Variants in WDR33 observed in about 807,000 individuals in gnomAD.
WDR33 encodes the protein WD repeat domain 33.
A neutral mutation model predicts 164.9 loss-of-function variants in WDR33; 47 were observed. That is an observed-to-expected ratio of 0.29 (90% confidence interval 0.23 to 0.36). WDR33 has a LOEUF of 0.36. Among genes scored for constraint, WDR33 ranks in the 10% least tolerant of loss-of-function variants. The pLI is 1.00. For synonymous variants in WDR33, 505 were observed against 589.0 expected (o/e 0.86, Z 2.06); for missense variants, 1,137 against 1,754.1 (o/e 0.65, Z 6.28).
intron 1 of WDR33, among the ~76,000 whole-genome samples, chr2:127,772,157 C>T (rs1688025783): frequency 6.6e-6 from 1 of 150,718 alleles, no homozygotes; most frequent in Non-Finnish European, 1.5e-5. Context: ...AATTTCACAG[C>T]TGGGCGCAGT....
intron 1 of WDR33, among the ~76,000 whole-genome samples, chr2:127,783,781 T>G (rs961561061): frequency 6.6e-6 from 1 of 151,812 alleles, no homozygotes; most frequent in Non-Finnish European, 1.5e-5. Flanking sequence ...ATTTTTTGTA[T>G]TTTTAGTAGA....
rs762913474 is a variant in WDR33, at chr2:127,765,273, A to C, written c.379-4T>G. On this transcript the variant is annotated splice_region_variant and splice_polypyrimidine_tract_variant and intron_variant, in intron 4 of 21. Transcript: ENST00000322313. Reference sequence around the variant, plus strand: ...AGCGTCTTCCTTCTGGAGTCCACTAAGGGAGAAAAAAAGACAGGTTATACA... The same window carrying C: ...AGCGTCTTCCTTCTGGAGTCCACTACGGGAGAAAAAAAGACAGGTTATACA... 1.9e-6 allele frequency: 3 copies of C among 1,612,310 alleles called. No homozygotes were observed. Among genetic ancestry groups the C allele is most frequent in the Non-Finnish European group, 2.5e-6 (3 of 1,179,160 alleles).
chr2:127,737,509 A>C (rs754528634), intron 7 of WDR33: 77 of 985,986 alleles, frequency 7.8e-5, no homozygotes, highest in Non-Finnish European at 9.0e-5. Context: ...GAAAAGTGCA[A>C]AAAGAAAAAG....
At chr2:127,728,414 CTAG>C (rs1686621528) in intron 7 of WDR33, among the ~76,000 whole-genome samples, 1 of 152,090 alleles carries the variant, frequency 6.6e-6, no homozygotes, top group Non-Finnish European at 1.5e-5. Context: ...GCCAAGAAGT[CTAG>C]ACACCGAATT....
Position 127,770,978 on chromosome 2 carries a change from C to G in WDR33, c.4G>C (p.Ala2Pro), listed in dbSNP as rs1352061629. The G allele has an allele frequency of 6.2e-7, 1 of 1,613,348 alleles. No homozygotes were observed. The highest frequency in any genetic ancestry group is 1.7e-5 in the Admixed American group (1 of 59,910). ...CGAGGAGGAGAACCAATTTCTGTAG[C>G]CATGGTGATGTTTTCCTTCTAGGAT... M[A>P]TEIGSPPRFF... Residue 2 changes from alanine (A) to proline (P), a missense_variant, in exon 2 of 22, where the codon GCT becomes CCT. Physicochemically the swap from Ala to Pro is conservative, Grantham distance 27. Around this residue, in one of 9 missense-constraint regions of WDR33, gnomAD observed 24 missense variants for 46.7 expected, o/e 0.51. Transcript: ENST00000322313. This position sits in a 1 kb window ranked among gnomAD's most constrained non-coding sequence, Gnocchi z 4.9.
At chr2:127,791,868 A>G (rs1688854913) in intron 1 of WDR33, among the ~76,000 whole-genome samples, 1 of 152,156 alleles carries the variant, frequency 6.6e-6, no homozygotes, top group Admixed American at 6.5e-5. Flanking sequence ...AGGAGCTAGT[A>G]GTTTTATCCA....
chr2:127,808,196 A>G (rs930783337), intron 1 of WDR33, among the ~76,000 whole-genome samples: 4 of 152,354 alleles, frequency 2.6e-5, no homozygotes, highest in Admixed American at 2.6e-4. Context: ...AAATGTTAAC[A>G]TTTAAAGAAT....
At position 127,798,086 on chromosome 2, in the gene WDR33, A is replaced by C. The variant is rs529639340; in HGVS notation, c.-24+12926T>G. 2.0e-5 allele frequency among the ~76,000 whole-genome samples: 3 copies of C among 152,226 alleles called. No individual in the cohort carries two copies. In the South Asian group the frequency reaches 6.2e-4, roughly 32 times the overall value. On this transcript the variant is annotated intron_variant, in intron 1 of 21. Transcript: ENST00000322313. ...AAACCTTGCTTAACAAATGAATTTA[A>C]GCCGGGCGTGGTGGCTCATGTCTGT...
At position 127,713,558 on chromosome 2, in the gene WDR33, T is replaced by C. The variant is rs776371557; in HGVS notation, c.3308+25A>G. 7.4e-6 allele frequency: 12 copies of C among 1,610,944 alleles called. No individual in the cohort carries two copies. The East Asian group carries it at 2.2e-4, about 30-fold the overall frequency. On this transcript the variant is annotated intron_variant, in intron 18 of 21. Transcript: ENST00000322313. This position sits in a 1 kb window ranked among gnomAD's most constrained non-coding sequence, Gnocchi z 6.2. ...ATAAAAAGCTCCACTGAAGATGGAA[T>C]GGGCCCACAAAGTATCTGTCCCACC...
rs774930775 is a variant in WDR33 at position 127,724,462 on chromosome 2, G to A, written c.1086-19C>T. The A allele has an allele frequency of 6.2e-7, 1 of 1,606,380 alleles. No individual in the cohort carries two copies. Among genetic ancestry groups the A allele is most frequent in the Non-Finnish European group, 8.5e-7 (1 of 1,174,298 alleles). On this transcript the variant is annotated intron_variant, in intron 10 of 21. Coordinates refer to ENST00000322313, the MANE Select transcript of WDR33 (RefSeq NM_018383.5). This position sits in a 1 kb window ranked among gnomAD's most constrained non-coding sequence, Gnocchi z 4.8. Reference sequence around the variant, plus strand: ...CTCTACCCTGCAACAGCACCAAAGAGAGAAGATTTGTTCACAAAAGTTACC... The same window carrying A: ...CTCTACCCTGCAACAGCACCAAAGAAAGAAGATTTGTTCACAAAAGTTACC...
At position 127,702,248 on chromosome 2, in the gene WDR33, G is replaced by T; in HGVS notation, c.*4075C>A. Reference sequence around the variant, plus strand: ...TCGGAGACCGCGCCGGCCGAGCTGAGGACTGCACGCCGCTGTGCGGAAGCC... The same window carrying T: ...TCGGAGACCGCGCCGGCCGAGCTGATGACTGCACGCCGCTGTGCGGAAGCC... On this transcript the variant is annotated 3_prime_UTR_variant, in exon 22 of 22. Transcript: ENST00000322313. 8.6e-7 allele frequency: 1 copy of T among 1,168,262 alleles called. No individual in the cohort carries two copies. 72.4% of individuals were successfully genotyped at this position (1,168,262 alleles called of 1,614,324 possible).
chr2:127,726,918 T>C lies in WDR33; in HGVS notation c.725-141A>G. Reference sequence around the variant, plus strand: ...CTTGTTTTGTGAAGACTCTTTGGCCTCTGTGTGTCTGGAAATTTTTCAGAT... The same window carrying C: ...CTTGTTTTGTGAAGACTCTTTGGCCCCTGTGTGTCTGGAAATTTTTCAGAT... On this transcript the variant is annotated intron_variant, in intron 7 of 21. Transcript: ENST00000322313. This position sits in a 1 kb window ranked among gnomAD's most constrained non-coding sequence, Gnocchi z 4.8. The C allele has an allele frequency of 9.5e-7, 1 of 1,053,920 alleles. No individual in the cohort carries two copies. 65.3% of individuals were successfully genotyped at this position (1,053,920 alleles called of 1,614,324 possible).
At chr2:127,804,492 G>A (rs1689365556) in intron 1 of WDR33, among the ~76,000 whole-genome samples, 1 of 151,748 alleles carries the variant, frequency 6.6e-6, no homozygotes, top group Non-Finnish European at 1.5e-5. Flanking sequence ...CTTGAGCAGA[G>A]AAGTGCGGAG....
chr2:127,734,594 T>C (rs1297202137), intron 7 of WDR33, among the ~76,000 whole-genome samples: 2 of 152,224 alleles, frequency 1.3e-5, no homozygotes, highest in Admixed American at 1.3e-4. Context: ...ACTCATTAAT[T>C]CAAAATAAAT....
intron 17 of WDR33, among the ~76,000 whole-genome samples, chr2:127,715,388 C>T (rs780556293): frequency 2.0e-5 from 3 of 152,112 alleles, no homozygotes; most frequent in South Asian, 4.1e-4. Context: ...CTGGCCCCTC[C>T]CTTTTCATTT....
chr2:127,708,834 A>G lies in WDR33; in HGVS notation c.3624T>C (p.Gly1208=). 1 of 1,611,858 alleles carries G rather than the reference A, an allele frequency of 6.2e-7. No individual in the cohort carries two copies. The highest frequency in any genetic ancestry group is 1.3e-5 in the African/African-American group (1 of 75,006). ...TPRPDHPPHD[G]HSPASRERSS... ...AGCGTTCTCTGCTGGCTGGGGAATG[A>G]CCGTCGTGAGGGGGATGATCAGGGC... The change falls in exon 21 of 22, where the codon GGT becomes GGC. Residue 1208 remains glycine, a synonymous_variant. Coordinates refer to ENST00000322313, the MANE Select transcript of WDR33 (RefSeq NM_018383.5). The surrounding 1 kb of genome is among the most constrained non-coding windows in gnomAD (Gnocchi z 6.7).
Position 127,709,905 on chromosome 2 carries a change from C to T in WDR33, c.3309-49G>A, listed in dbSNP as rs1686116835. The T allele has an allele frequency of 1.3e-6, 2 of 1,584,946 alleles. No individual in the cohort carries two copies. The highest frequency in any genetic ancestry group is 2.3e-5 in the South Asian group (2 of 87,260). On this transcript the variant is annotated intron_variant, in intron 18 of 21. Coordinates refer to ENST00000322313, the MANE Select transcript of WDR33 (RefSeq NM_018383.5). This position sits in a 1 kb window ranked among gnomAD's most constrained non-coding sequence, Gnocchi z 5.0. ...GTCCATCTCAGAGAACACCTTGCCA[C>T]TCTAAGTTCATGTTTCAAAGAAGCA...
In WDR33 at chr2:127,720,661, C is replaced by G. The variant is rs1344721849; in HGVS notation, c.1672-308G>C. ...TTCACTACAGCCTCACCCTCCTGGGCTCAAGTGATCCTCCCACCTCGGCCT... is the reference window on the plus strand; with the variant it reads ...TTCACTACAGCCTCACCCTCCTGGGGTCAAGTGATCCTCCCACCTCGGCCT... On this transcript the variant is annotated intron_variant, in intron 15 of 21. Transcript: ENST00000322313. The surrounding 1 kb of genome is among the most constrained non-coding windows in gnomAD (Gnocchi z 5.9). 2.6e-5 allele frequency among the ~76,000 whole-genome samples: 4 copies of G among 151,994 alleles called. No individual in the cohort carries two copies. The highest frequency in any genetic ancestry group is 2.9e-5 in the Non-Finnish European group (2 of 68,006).
In WDR33 at chr2:127,704,713, T is replaced by C. The variant is rs753883232; in HGVS notation, c.*1610A>G. 23 of 167,144 alleles carry C rather than the reference T, an allele frequency of 1.4e-4. No homozygotes were observed. The highest frequency in any genetic ancestry group is 3.1e-4 in the Non-Finnish European group (21 of 68,136). The allele number at this position is 167,144 out of a possible 1,614,324, so 10.4% of individuals were successfully genotyped here. On this transcript the variant is annotated 3_prime_UTR_variant, in exon 22 of 22. Transcript: ENST00000322313. ...GAAATCAATTAGCTTTTGCTGTTTT[T>C]TACATTCATAGAGAACCAGTTAAAT...
Sources: gnomAD v4.1 joint callset for allele counts (sites outside exome capture counted in the v4.1 genomes callset) on GRCh38, gnomAD v4.1.1 for gene constraint, gnomAD v4.1.1 regional missense constraint, Gnocchi (gnomAD v3.1) non-coding constraint, MANE v1.5 for transcripts, NCBI Gene and HGNC (gene_info 2026-07-23, HGNC 2026-07-21) for gene names.